Variants in EPM2A observed in about 807,000 individuals in gnomAD.
EPM2A encodes laforin.
In EPM2A, 21 loss-of-function variants were observed where a neutral mutation model predicts 26.5. The observed-to-expected ratio is 0.79, with a 90% CI of 0.56 to 1.14. The LOEUF is 1.14. Ranked by LOEUF, EPM2A falls within the 50% of genes most tolerant of loss-of-function variation. The pLI is 0.00. For missense variants in EPM2A, 458 were observed against 440.8 expected, an observed-to-expected ratio of 1.04 and a Z score of -0.35; for synonymous variants, 217 against 177.6, an observed-to-expected ratio of 1.22 and a Z score of -1.76.
intron 4 of EPM2A, among the ~76,000 whole-genome samples, chr6:145,419,625 G>GA (rs1246983924): frequency 2.0e-5 from 3 of 152,008 alleles, no homozygotes; most frequent in Non-Finnish European, 4.4e-5. Flanking sequence ...ATTTGGAAAA[G>GA]AAAAAACTTG....
intron 2 of EPM2A, among the ~76,000 whole-genome samples, chr6:145,570,536 AG>A (rs1489564896): frequency 1.3e-5 from 2 of 152,354 alleles, no homozygotes; most frequent in East Asian, 3.9e-4. Flanking sequence ...TTTTAACAAA[AG>A]AAGCAGGAAA....
chr6:145,715,230 C>T (rs377218345), intron 1 of EPM2A, among the ~76,000 whole-genome samples: 106 of 152,282 alleles, frequency 7.0e-4, no homozygotes, highest in African/African-American at 2.4e-3. Flanking sequence ...GATTTCATTC[C>T]TGCAAGTGCT....
intron 2 of EPM2A, chr6:145,637,474 T>C (rs543463000): frequency 3.3e-4 from 50 of 152,182 alleles, no homozygotes; most frequent in African/African-American, 1.1e-3. Context: ...AGAACAACTT[T>C]TTTTTTTTTT....
At chr6:145,490,565 C>A (rs1779741110) in intron 4 of EPM2A, 1 of 702,498 alleles carries the variant, frequency 1.4e-6, no homozygotes, top group Non-Finnish European at 2.7e-6. Context: ...TTCTTAGTGA[C>A]TCCACCTTCT....
At chr6:145,574,985 C>T (rs532670605) in intron 2 of EPM2A, among the ~76,000 whole-genome samples, 2 of 152,242 alleles carry the variant, frequency 1.3e-5, no homozygotes, top group East Asian at 3.9e-4. Flanking sequence ...ATGGGTCATG[C>T]TCTCAACATC....
chr6:145,429,037 A>G (rs1201586364), intron 4 of EPM2A, among the ~76,000 whole-genome samples: 1 of 152,276 alleles, frequency 6.6e-6, no homozygotes, highest in East Asian at 1.9e-4. Context: ...CAAATGAGTC[A>G]GTCAATGAAG....
chr6:145,552,461 G>A (rs904723228), intron 2 of EPM2A, among the ~76,000 whole-genome samples: 21 of 152,062 alleles, frequency 1.4e-4, no homozygotes, highest in East Asian at 1.9e-4. Context: ...GAAAATCACC[G>A]TCAGCCTAGA....
intron 2 of EPM2A, among the ~76,000 whole-genome samples, chr6:145,666,742 C>T (rs1466176693): frequency 6.7e-6 from 1 of 149,052 alleles, no homozygotes; most frequent in Non-Finnish European, 1.5e-5. Context: ...TTGGAGGCAT[C>T]ACACTACCTG....
chr6:145,645,282 T>G (rs1463134489), intron 2 of EPM2A, among the ~76,000 whole-genome samples: 1 of 152,194 alleles, frequency 6.6e-6, no homozygotes, highest in Non-Finnish European at 1.5e-5. Context: ...TCTTATGTTA[T>G]GCAAATGTTT....
chr6:145,388,440 T>C (rs12663636), intron 4 of EPM2A, among the ~76,000 whole-genome samples: 57,036 of 152,036 alleles, frequency 0.38, 10,952 homozygotes, highest in South Asian at 0.45. Context: ...TTGGTTGTTC[T>C]ATCTCCATGT....
At chr6:145,551,984 T>A (rs1490924629) in intron 2 of EPM2A, among the ~76,000 whole-genome samples, 1 of 151,730 alleles carries the variant, frequency 6.6e-6, no homozygotes, top group African/African-American at 2.4e-5. Flanking sequence ...AATGAAAATT[T>A]AAAAATTAAA....
intron 2 of EPM2A, among the ~76,000 whole-genome samples, chr6:145,507,019 C>G (rs1779985566): frequency 6.6e-6 from 1 of 152,140 alleles, no homozygotes; most frequent in African/African-American, 2.4e-5. Flanking sequence ...CAGACATTTT[C>G]CACCTCCAAA....
rs532629170 is a variant in EPM2A at position 145,570,726 on chromosome 6, T to C, written c.340+64519A>G. 1.2e-4 allele frequency among the ~76,000 whole-genome samples: 19 copies of C among 152,284 alleles called. No homozygotes were observed. The South Asian group carries it at 3.9e-3, about 32-fold the overall frequency. ...AACCTTCATTCTTGAAGCATCTGGGTCATTTGTAGTCCTGCCTGGATTGGG... is the reference window on the plus strand; with the variant it reads ...AACCTTCATTCTTGAAGCATCTGGGCCATTTGTAGTCCTGCCTGGATTGGG... On this transcript the variant is annotated intron_variant, in intron 2 of 3. Coordinates refer to the EPM2A transcript ENST00000450221.
intron 4 of EPM2A, among the ~76,000 whole-genome samples, chr6:145,474,005 G>GA (rs1186766726): frequency 1.3e-5 from 2 of 152,012 alleles, no homozygotes; most frequent in East Asian, 3.9e-4. Context: ...TAAGTACACA[G>GA]AAAAACAGAG....
chr6:145,539,646 A>C (rs958211647), intron 2 of EPM2A, among the ~76,000 whole-genome samples: 5 of 152,190 alleles, frequency 3.3e-5, no homozygotes, highest in South Asian at 4.1e-4. Context: ...CTTATATGAA[A>C]ATTGATGAAG....
intron 2 of EPM2A, among the ~76,000 whole-genome samples, chr6:145,612,843 T>C (rs887437795): frequency 6.6e-6 from 1 of 151,782 alleles, no homozygotes; most frequent in Admixed American, 6.6e-5. Context: ...TCATAATCTT[T>C]TGCTGGAGGA....
intron 4 of EPM2A, among the ~76,000 whole-genome samples, chr6:145,443,337 CA>C (rs1299752676): frequency 6.6e-6 from 1 of 152,152 alleles, no homozygotes; most frequent in East Asian, 1.9e-4. Flanking sequence ...GCCATTTTAA[CA>C]ATATTGATTC....
intron 4 of EPM2A, among the ~76,000 whole-genome samples, chr6:145,466,429 A>G (rs1463231049): frequency 6.6e-6 from 1 of 152,236 alleles, no homozygotes. Flanking sequence ...AATGCAAATC[A>G]AAACCAAAAT....
chr6:145,475,026 G>A (rs919102088), intron 4 of EPM2A, among the ~76,000 whole-genome samples: 8 of 152,200 alleles, frequency 5.3e-5, no homozygotes, highest in Non-Finnish European at 1.2e-4. Context: ...TCATGGGAGT[G>A]TAAATTAGTT....
Sources: gnomAD v4.1 joint callset for allele counts (sites outside exome capture counted in the v4.1 genomes callset) on GRCh38, gnomAD v4.1.1 for gene constraint, MANE v1.5 for transcripts, NCBI Gene and HGNC (gene_info 2026-07-23, HGNC 2026-07-21) for gene names.